TFDP2: variants seen among roughly 807,000 people sequenced by gnomAD.
The protein encoded by TFDP2 is transcription factor Dp-2.
TFDP2 carries 17 observed loss-of-function variants against 59.3 expected under a neutral mutation model. That is an observed-to-expected ratio of 0.29 (90% CI 0.20 to 0.43). TFDP2 has a LOEUF of 0.43. TFDP2 is among the 20% of genes least tolerant of loss of function. TFDP2 has a pLI of 1.00. For missense variants in TFDP2, 391 were observed against 528.8 expected, an observed-to-expected ratio of 0.74 and a Z score of 2.56; for synonymous variants, 180 against 194.7, an observed-to-expected ratio of 0.92 and a Z score of 0.63.
At chr3:142,073,459 C>G (rs1472734468) in intron 3 of TFDP2, among the ~76,000 whole-genome samples, 1 of 25,334 alleles carries the variant, frequency 3.9e-5, no homozygotes, top group African/African-American at 1.8e-4. Context: ...AACAAACAAC[C>G]CCCCCCCCCC....
chr3:142,061,129 G>T (rs1156942944), intron 3 of TFDP2, among the ~76,000 whole-genome samples: 2 of 151,976 alleles, frequency 1.3e-5, no homozygotes, highest in African/African-American at 4.8e-5. Context: ...CATAACCTTG[G>T]ATCAAGTTAT....
chr3:141,964,939 A>G (rs1420721817), intron 9 of TFDP2, among the ~76,000 whole-genome samples: 1 of 152,218 alleles, frequency 6.6e-6, no homozygotes, highest in Non-Finnish European at 1.5e-5. Flanking sequence ...ACTTTTAGTT[A>G]TAACCATTAC....
intron 11 of TFDP2, among the ~76,000 whole-genome samples, chr3:141,956,566 T>C (rs563870131): frequency 7.9e-4 from 120 of 151,486 alleles, no homozygotes; most frequent in South Asian, 2.5e-3. Flanking sequence ...AAAAAGTCAA[T>C]GTGAATAGAC....
At chr3:142,136,930 C>T (rs1367330071) in intron 1 of TFDP2, among the ~76,000 whole-genome samples, 1 of 152,018 alleles carries the variant, frequency 6.6e-6, no homozygotes, top group African/African-American at 2.4e-5. Flanking sequence ...GTAAGAAAGT[C>T]ATTGGTAGCT....
At chr3:142,099,465 G>A (rs1452056453) in intron 2 of TFDP2, among the ~76,000 whole-genome samples, 1 of 152,156 alleles carries the variant, frequency 6.6e-6, no homozygotes, top group Non-Finnish European at 1.5e-5. Context: ...ACTTTGGGAG[G>A]CTGAGGCAGG....
At chr3:142,021,584 A>G (rs1337001446) in intron 3 of TFDP2, among the ~76,000 whole-genome samples, 3 of 152,136 alleles carry the variant, frequency 2.0e-5, no homozygotes, top group Admixed American at 6.5e-5. Flanking sequence ...TTTGTTGAAC[A>G]TTTTCACTTA....
At chr3:142,065,373 C>T (rs190485791) in intron 3 of TFDP2, among the ~76,000 whole-genome samples, 1 of 152,180 alleles carries the variant, frequency 6.6e-6, no homozygotes, top group African/African-American at 2.4e-5. Context: ...CCAGGCTGGT[C>T]TCAAAGTCCT....
At chr3:142,113,061 A>G (rs995038840) in intron 1 of TFDP2, among the ~76,000 whole-genome samples, 1 of 152,182 alleles carries the variant, frequency 6.6e-6, no homozygotes, top group African/African-American at 2.4e-5. Context: ...ACATTCTTTT[A>G]TCAAGCAGTA....
chr3:142,111,940 C>T (rs2061680626), intron 1 of TFDP2, among the ~76,000 whole-genome samples: 1 of 152,098 alleles, frequency 6.6e-6, no homozygotes, highest in African/African-American at 2.4e-5. Flanking sequence ...GTGGAGCGTG[C>T]CTGTAATCCC....
chr3:142,082,733 T>G (rs1576934676), intron 3 of TFDP2, among the ~76,000 whole-genome samples: 1 of 152,192 alleles, frequency 6.6e-6, no homozygotes, highest in East Asian at 1.9e-4. Context: ...AGTCAATCAA[T>G]GTAATATATC....
chr3:141,971,453 G>A (rs1213877802), intron 8 of TFDP2, among the ~76,000 whole-genome samples: 1 of 151,820 alleles, frequency 6.6e-6, no homozygotes, highest in African/African-American at 2.4e-5. Flanking sequence ...GGAGGCTGAG[G>A]CAGGAGAATT....
chr3:141,997,078 C>T (rs536790221), intron 4 of TFDP2, among the ~76,000 whole-genome samples: 10 of 152,272 alleles, frequency 6.6e-5, no homozygotes, highest in Admixed American at 2.0e-4. Flanking sequence ...TCCCACATCC[C>T]CACTTTCAGT....
chr3:142,149,071 T>A (rs887501834), intron 1 of TFDP2, 112 bp downstream of exon 1: 1 of 394,134 alleles, frequency 2.5e-6, no homozygotes, highest in Non-Finnish European at 4.5e-6. Context: ...ATGGGACTCG[T>A]GGGGGAACAA....
At chr3:141,965,338 A>G (rs1937801285) in intron 9 of TFDP2, among the ~76,000 whole-genome samples, 1 of 151,492 alleles carries the variant, frequency 6.6e-6, no homozygotes, top group Non-Finnish European at 1.5e-5. Flanking sequence ...TTTCAGTAAG[A>G]TTACTATTAT....
intron 1 of TFDP2, among the ~76,000 whole-genome samples, chr3:142,134,340 C>A (rs1186456656): frequency 2.3e-5 from 3 of 133,116 alleles, no homozygotes; most frequent in African/African-American, 3.3e-5. Context: ...CAGAGCGAGA[C>A]CCCATCTCAA....
chr3:142,091,224 T>C (rs2060987747), intron 3 of TFDP2, among the ~76,000 whole-genome samples: 1 of 152,214 alleles, frequency 6.6e-6, no homozygotes, highest in Admixed American at 6.5e-5. Flanking sequence ...TCTATGAATG[T>C]TGTCATGTGG....
chr3:142,143,808 G>A (rs544288399), intron 1 of TFDP2, among the ~76,000 whole-genome samples: 22 of 152,278 alleles, frequency 1.4e-4, no homozygotes, highest in South Asian at 1.2e-3. Flanking sequence ...TGATGGGAAC[G>A]TAAATTAGTA....
Position 142,122,721 on chromosome 3 carries a change from C to T in TFDP2, c.-92-20880G>A, listed in dbSNP as rs185486390. The stretch of plus-strand genomic sequence containing the variant: ...GGACACCTCTGGGAGGAAGCATAAC[C>T]TTGGGCAAGACAGTATTCAGGGCCA... On this transcript the variant is annotated intron_variant, in intron 1 of 12. Coordinates refer to ENST00000489671, the MANE Select transcript of TFDP2 (RefSeq NM_001178139.2). 2.2e-3 allele frequency among the ~76,000 whole-genome samples: 340 copies of T among 152,240 alleles called. 2 individuals carry two copies. Among genetic ancestry groups the T allele is most frequent in the African/African-American group, 7.5e-3 (312 of 41,532 alleles).
intron 3 of TFDP2, among the ~76,000 whole-genome samples, chr3:142,067,882 T>C (rs1441479605): frequency 6.6e-6 from 1 of 151,800 alleles, no homozygotes; most frequent in Non-Finnish European, 1.5e-5. Context: ...CACGTGCCTA[T>C]AGTTCCAGGT....
Sources: allele counts gnomAD v4.1 joint callset (sites outside exome capture counted in the v4.1 genomes callset), GRCh38; gene constraint gnomAD v4.1.1; transcripts MANE v1.5; gene names NCBI Gene and HGNC (gene_info 2026-07-23, HGNC 2026-07-21).